NXPE2: variants seen among roughly 807,000 people sequenced by gnomAD.
NXPE2 encodes neurexophilin and PC-esterase domain family member 2.
A neutral mutation model predicts 34.4 loss-of-function variants in NXPE2; 34 were observed. The observed-to-expected ratio is 0.99, with a 90% CI of 0.75 to 1.31. The LOEUF is 1.31. NXPE2 is among the 40% of genes most tolerant of loss of function. The pLI is 0.00. For synonymous variants in NXPE2, 235 were observed against 231.3 expected (o/e 1.02, Z -0.15); for missense variants, 649 against 672.5 (o/e 0.97, Z 0.39).
chr11:114,736,874 G>A, the NXPE2 span, among the ~76,000 whole-genome samples: 5 of 152,212 alleles, frequency 3.3e-5, no homozygotes, highest in African/African-American at 7.2e-5. Context: ...GGCTTCAGCC[G>A]GTCCCTCCAT....
the NXPE2 span, among the ~76,000 whole-genome samples, chr11:114,789,880 C>T: frequency 7.2e-5 from 11 of 152,352 alleles, no homozygotes; most frequent in South Asian, 8.3e-4. Flanking sequence ...GCAGGGGTTG[C>T]ATCTTGTTCA....
At chr11:114,489,185 A>G in the NXPE2 span, among the ~76,000 whole-genome samples, 12 of 152,220 alleles carry the variant, frequency 7.9e-5, no homozygotes, top group Non-Finnish European at 2.9e-5. Context: ...TGAATAGACC[A>G]ATAACAGGCT....
At chr11:114,692,134 G>A (rs1034503592) in intron 2 of NXPE2, among the ~76,000 whole-genome samples, 3 of 152,194 alleles carry the variant, frequency 2.0e-5, no homozygotes, top group Non-Finnish European at 4.4e-5. Flanking sequence ...GCAAACTCTG[G>A]CCTGAGCCTA....
the NXPE2 span, among the ~76,000 whole-genome samples, chr11:114,576,806 C>T: frequency 6.6e-6 from 1 of 151,538 alleles, no homozygotes; most frequent in Admixed American, 6.6e-5. Flanking sequence ...AAAAACAGAT[C>T]TACCATTTGA....
chr11:114,556,245 G>A, the NXPE2 span, among the ~76,000 whole-genome samples: 8 of 152,244 alleles, frequency 5.3e-5, no homozygotes, highest in African/African-American at 1.9e-4. Flanking sequence ...TGAAAAGCCT[G>A]GGCTTTTTAC....
the NXPE2 span, among the ~76,000 whole-genome samples, chr11:114,791,794 C>T: frequency 1.3e-5 from 2 of 152,180 alleles, no homozygotes; most frequent in Non-Finnish European, 2.9e-5. Flanking sequence ...CGGTGGCTCA[C>T]GCCTGTAATC....
the NXPE2 span, among the ~76,000 whole-genome samples, chr11:114,654,028 T>G: frequency 6.6e-6 from 1 of 152,072 alleles, no homozygotes; most frequent in Non-Finnish European, 1.5e-5. Flanking sequence ...AGCATGAACA[T>G]AGGAAAATCA....
chr11:114,527,938 C>G, the NXPE2 span: 2 of 1,512,716 alleles, frequency 1.3e-6, no homozygotes, highest in Non-Finnish European at 1.8e-6. Context: ...TTAGCCTGCT[C>G]TCTGCCCATG....
At chr11:114,799,142 G>A in the NXPE2 span, among the ~76,000 whole-genome samples, 3 of 152,066 alleles carry the variant, frequency 2.0e-5, no homozygotes, top group South Asian at 2.1e-4. Context: ...AGTAACAGGA[G>A]GGAACAGATA....
At chr11:114,527,941 T>A in the NXPE2 span, 1 of 1,490,350 alleles carries the variant, frequency 6.7e-7, no homozygotes. Flanking sequence ...GCCTGCTCTC[T>A]GCCCATGTAA....
chr11:114,636,044 C>T, the NXPE2 span, among the ~76,000 whole-genome samples: 1 of 151,870 alleles, frequency 6.6e-6, no homozygotes, highest in Non-Finnish European at 1.5e-5. Flanking sequence ...GGAACGGTAC[C>T]AGTTCCTCCT....
the NXPE2 span, among the ~76,000 whole-genome samples, chr11:114,812,357 C>T: frequency 1.3e-5 from 2 of 152,140 alleles, no homozygotes; most frequent in Non-Finnish European, 2.9e-5. Context: ...TCTAAAGAGA[C>T]AAATTACAGT....
chr11:114,556,282 T>C, the NXPE2 span, among the ~76,000 whole-genome samples: 3 of 152,222 alleles, frequency 2.0e-5, no homozygotes, highest in Admixed American at 6.5e-5. Flanking sequence ...TTACTGGAAC[T>C]CAAAACCTAC....
chr11:114,627,295 A>G, the NXPE2 span, among the ~76,000 whole-genome samples: 1 of 152,132 alleles, frequency 6.6e-6, no homozygotes, highest in Non-Finnish European at 1.5e-5. Flanking sequence ...CTCAAAGGGA[A>G]GCCCATCAGA....
chr11:114,580,395 G>A, the NXPE2 span: 1 of 1,473,698 alleles, frequency 6.8e-7, no homozygotes, highest in South Asian at 1.1e-5. Flanking sequence ...CCGTCAGTAT[G>A]TATTAAGAGC....
chr11:114,513,849 C>T, the NXPE2 span, among the ~76,000 whole-genome samples: 1 of 149,500 alleles, frequency 6.7e-6, no homozygotes, highest in African/African-American at 2.5e-5. Flanking sequence ...TTAACACTTT[C>T]AACAGTGAAA....
rs374228143 is a variant in NXPE2 at position 114,698,745 on chromosome 11, A to C, written c.833A>C (p.Tyr278Ser). Reference sequence around the variant, plus strand: ...ACCACTAGGACAAGAAATATTTCCTATCTTAGCAAGGAAGAATGGAGGCTT... The same window carrying C: ...ACCACTAGGACAAGAAATATTTCCTCTCTTAGCAAGGAAGAATGGAGGCTT... ...HMTTRTRNIS[Y>S]LSKEEWRLFH... The change falls in exon 3 of 6, where the codon TAT becomes TCT. Residue 278 changes from tyrosine (Y) to serine (S), a missense_variant. By Grantham distance (144) the Tyr-to-Ser change is moderately radical. Transcript: ENST00000389586. 6.3e-7 allele frequency: 1 copy of C among 1,594,450 alleles called. No individual in the cohort carries two copies. The highest frequency in any genetic ancestry group is 2.2e-5 in the East Asian group (1 of 44,688).
chr11:114,791,849 G>T, the NXPE2 span, among the ~76,000 whole-genome samples: 1 of 152,140 alleles, frequency 6.6e-6, no homozygotes. Flanking sequence ...GAGGTCAGGA[G>T]ATCGAGACCA....
the NXPE2 span, among the ~76,000 whole-genome samples, chr11:114,788,373 A>G: frequency 6.6e-6 from 1 of 152,168 alleles, no homozygotes; most frequent in Non-Finnish European, 1.5e-5. Context: ...CAGGCTGGAC[A>G]TGGGCCTGGG....
Sources: gnomAD v4.1 joint callset for allele counts (sites outside exome capture counted in the v4.1 genomes callset) on GRCh38, gnomAD v4.1.1 for gene constraint, MANE v1.5 for transcripts, NCBI Gene and HGNC (gene_info 2026-07-23, HGNC 2026-07-21) for gene names.